The following DGLUCY variants were observed in gnomAD, a reference collection of about 807,000 sequenced individuals.
DGLUCY encodes the protein D-glutamate cyclase.
DGLUCY carries 58 observed loss-of-function variants against 58.5 expected under a neutral mutation model. That is an observed-to-expected ratio of 0.99 (90% CI 0.80 to 1.23). The LOEUF (loss-of-function observed/expected upper bound fraction) is 1.23, where lower values mean the gene tolerates loss of function less well. Among genes scored for constraint, DGLUCY ranks in the 50% most tolerant of loss-of-function variants. The pLI is 0.00. For missense variants in DGLUCY, 779 were observed against 784.7 expected, an observed-to-expected ratio of 0.99 and a Z score of 0.09; for synonymous variants, 325 against 314.1, an observed-to-expected ratio of 1.03 and a Z score of -0.37.
intron 12 of DGLUCY, among the ~76,000 whole-genome samples, chr14:91,205,762 C>CTTG (rs1014642868): frequency 1.2e-5 from 1 of 82,662 alleles, no homozygotes; most frequent in African/African-American, 6.0e-5. Context: ...TTCTCTTCTT[C>CTTG]TTCTTCTTCT....
At position 91,213,691 on chromosome 14, in the gene DGLUCY, A is replaced by ATTGTTTGTTTGC. The variant is rs1886074448; in HGVS notation, c.1565-1703_1565-1702insCTTGTTTGTTTG. On this transcript the variant is annotated intron_variant, in intron 12 of 13. Transcript: ENST00000256324. Reference sequence around the variant, plus strand: ...CCACATGCCTTTGTATTCACTGAAGATTGTTTGTTTGTTTGTTTGTTTGTT... The same window carrying ATTGTTTGTTTGC: ...CCACATGCCTTTGTATTCACTGAAGATTGTTTGTTTGCTTGTTTGTTTGTTTGTTTGTTTGTT... 2.7e-5 allele frequency among the ~76,000 whole-genome samples: 4 copies of ATTGTTTGTTTGC among 150,212 alleles called. No homozygotes were observed. The South Asian group carries it at 8.5e-4, about 32-fold the overall frequency.
At chr14:91,137,547 G>A (rs1348605102) in intron 1 of DGLUCY, among the ~76,000 whole-genome samples, 2 of 142,582 alleles carry the variant, frequency 1.4e-5, no homozygotes, top group Non-Finnish European at 3.1e-5. Context: ...CACCACGCCT[G>A]GCTAATTTTT....
At chr14:91,215,144 G>T (rs1335911307) in intron 12 of DGLUCY, among the ~76,000 whole-genome samples, 1 of 152,094 alleles carries the variant, frequency 6.6e-6, no homozygotes, top group Non-Finnish European at 1.5e-5. Context: ...GCAAGACTTT[G>T]TCTCAAAAAA....
chr14:91,146,677 T>G (rs1309234897), intron 1 of DGLUCY, among the ~76,000 whole-genome samples: 2 of 152,098 alleles, frequency 1.3e-5, no homozygotes, highest in African/African-American at 2.4e-5. Context: ...CCTCTTGTTT[T>G]TGAAGGTCAC....
intron 1 of DGLUCY, among the ~76,000 whole-genome samples, chr14:91,118,103 C>T (rs566598130): frequency 6.5e-5 from 7 of 107,804 alleles, no homozygotes; most frequent in Admixed American, 1.4e-4. Context: ...TTTTTTTAGA[C>T]GGAGTCTCAC....
chr14:91,197,591 C>T (rs1199497578), intron 10 of DGLUCY, among the ~76,000 whole-genome samples: 1 of 152,242 alleles, frequency 6.6e-6, no homozygotes, highest in Non-Finnish European at 1.5e-5. Context: ...ATTCTACTTT[C>T]TGTCTTTATG....
intron 1 of DGLUCY, among the ~76,000 whole-genome samples, chr14:91,137,112 C>T (rs1454256034): frequency 1.3e-5 from 2 of 151,868 alleles, no homozygotes; most frequent in Non-Finnish European, 2.9e-5. Flanking sequence ...GAGGCAAAGG[C>T]CCAGCAGAAC....
intron 1 of DGLUCY, among the ~76,000 whole-genome samples, chr14:91,071,038 A>G (rs1595606038): frequency 1.3e-5 from 2 of 152,258 alleles, no homozygotes; most frequent in South Asian, 2.1e-4. Context: ...GTCCCTTAAG[A>G]AGTCTAAAGG....
At chr14:91,157,036 T>C (rs780787396) in intron 1 of DGLUCY, among the ~76,000 whole-genome samples, 1 of 151,998 alleles carries the variant, frequency 6.6e-6, no homozygotes, top group Non-Finnish European at 1.5e-5. Context: ...GGTGAATGGA[T>C]AGATGGATGA....
intron 1 of DGLUCY, among the ~76,000 whole-genome samples, chr14:91,075,491 G>A (rs1289718832): frequency 6.6e-6 from 1 of 152,080 alleles, no homozygotes; most frequent in Admixed American, 6.6e-5. Context: ...CCTTTGTTGG[G>A]CATCCTATCT....
upstream of DGLUCY, among the ~76,000 whole-genome samples, chr14:91,104,148 C>T (rs1382143313): frequency 6.8e-6 from 1 of 147,748 alleles, no homozygotes; most frequent in Non-Finnish European, 1.5e-5. Context: ...CTGCAAGCTC[C>T]GCCTCCCGGG....
chr14:91,064,021 A>G (rs1680000247), intron 1 of DGLUCY, among the ~76,000 whole-genome samples: 1 of 152,190 alleles, frequency 6.6e-6, no homozygotes, highest in Non-Finnish European at 1.5e-5. Context: ...CTATGTTTAT[A>G]TTTTGAACTT....
intron 13 of DGLUCY, chr14:91,220,389 A>T: frequency 2.4e-6 from 1 of 419,708 alleles, no homozygotes; most frequent in South Asian, 1.7e-5. Context: ...AACCGTCATT[A>T]TCATCATCAT....
intron 1 of DGLUCY, among the ~76,000 whole-genome samples, chr14:91,082,648 G>T (rs1266984704): frequency 6.6e-6 from 1 of 152,184 alleles, no homozygotes; most frequent in Non-Finnish European, 1.5e-5. Flanking sequence ...GTTGGAAAAT[G>T]ATTAAAGGCA....
upstream of DGLUCY, among the ~76,000 whole-genome samples, chr14:91,112,999 A>T (rs1308868111): frequency 7.7e-5 from 4 of 52,088 alleles, no homozygotes; most frequent in Non-Finnish European, 1.2e-4. Flanking sequence ...CTACATCTAA[A>T]AAAAAAAAAA....
intron 1 of DGLUCY, among the ~76,000 whole-genome samples, chr14:91,074,183 C>T (rs1382042376): frequency 7.2e-6 from 1 of 138,120 alleles, no homozygotes; most frequent in South Asian, 2.4e-4. Flanking sequence ...GTATTCCCAG[C>T]TACTTGGGAG....
At chr14:91,179,556 G>A (rs532189083) in intron 7 of DGLUCY, among the ~76,000 whole-genome samples, 1 of 152,254 alleles carries the variant, frequency 6.6e-6, no homozygotes, top group East Asian at 1.9e-4. Flanking sequence ...GTTCGAGCCA[G>A]CCTAGCCAAC....
At chr14:91,193,974 C>T (rs923348341) in intron 9 of DGLUCY, among the ~76,000 whole-genome samples, 2 of 152,144 alleles carry the variant, frequency 1.3e-5, no homozygotes, top group African/African-American at 2.4e-5. Context: ...CCAGACCCTC[C>T]TTTTTGGGGA....
rs137911326 is a variant in DGLUCY, at chr14:91,188,339, A to G, written c.935-571A>G. Among the ~76,000 whole-genome samples, 1,118 of 152,238 alleles carry G rather than the reference A, an allele frequency of 7.3e-3. 9 individuals are homozygous for G. The highest frequency in any genetic ancestry group is 0.011 in the Non-Finnish European group (777 of 68,014). On this transcript the variant is annotated intron_variant, in intron 8 of 13. Transcript: ENST00000256324. ...ATCACGATCCAATACAGAGAACCCAATCTCGCGGCCACACCAGACTGAAGG... is the reference window on the plus strand; with the variant it reads ...ATCACGATCCAATACAGAGAACCCAGTCTCGCGGCCACACCAGACTGAAGG...
Sources: allele counts gnomAD v4.1 joint callset (sites outside exome capture counted in the v4.1 genomes callset), GRCh38; gene constraint gnomAD v4.1.1; transcripts MANE v1.5; gene names NCBI Gene and HGNC (gene_info 2026-07-23, HGNC 2026-07-21).